The following MGA variants were observed in gnomAD, a reference collection of about 807,000 sequenced individuals.
The protein encoded by MGA is MAX dimerization protein MGA.
Under a neutral mutation model 261.1 loss-of-function variants are expected in MGA, and 40 were observed. The ratio of observed to expected loss-of-function variants is 0.15; its 90% CI spans 0.12 to 0.20. MGA has a LOEUF of 0.20. MGA is among the 10% of genes least tolerant of loss of function. The pLI is 1.00. For synonymous variants in MGA, 1,302 were observed against 1,290.6 expected (o/e 1.01, Z -0.19); for missense variants, 3,397 against 3,630.5 (o/e 0.94, Z 1.65).
intron 17 of MGA, among the ~76,000 whole-genome samples, chr15:41,752,877 C>G (rs1053795357): frequency 6.6e-6 from 1 of 152,100 alleles, no homozygotes; most frequent in East Asian, 1.9e-4. Flanking sequence ...CTTAATCATA[C>G]AAGGAGGCAT....
intron 2 of MGA, among the ~76,000 whole-genome samples, chr15:41,679,179 G>A (rs931828638): frequency 2.6e-5 from 4 of 151,950 alleles, no homozygotes; most frequent in African/African-American, 9.7e-5. Context: ...GGGACTACAG[G>A]TGCGCACCAC....
At chr15:41,623,493 C>A (rs2056359899) in intron 1 of MGA, among the ~76,000 whole-genome samples, 1 of 151,846 alleles carries the variant, frequency 6.6e-6, no homozygotes, top group Non-Finnish European at 1.5e-5. Context: ...GCCTGTAATC[C>A]CAGCACTTTG....
chr15:41,749,279 C>G lies in MGA; in HGVS notation c.5672C>G (p.Ala1891Gly). The G allele has an allele frequency of 1.2e-6, 2 of 1,614,012 alleles. No homozygotes were observed. Among genetic ancestry groups the G allele is most frequent in the East Asian group, 2.2e-5 (1 of 44,872 alleles). Residue 1891 changes from alanine (A) to glycine (G), a missense_variant, in exon 17 of 24, where the codon GCT becomes GGT. Physicochemically the swap from Ala to Gly is moderately conservative, Grantham distance 60. Around this residue, in one of 9 missense-constraint regions of MGA, gnomAD observed 1,410 missense variants for 1,386.4 expected, o/e 1.02. Transcript: ENST00000219905. ...GCACCATCATTGCTTTCCTCTGGAGCTAGTTTTGTGTCTCAGGCTGGTACA... is the reference window on the plus strand; with the variant it reads ...GCACCATCATTGCTTTCCTCTGGAGGTAGTTTTGTGTCTCAGGCTGGTACA...
chr15:41,699,491 T>TTA (rs1234598716), intron 5 of MGA, among the ~76,000 whole-genome samples: 4 of 108,188 alleles, frequency 3.7e-5, no homozygotes, highest in Non-Finnish European at 9.6e-5. Context: ...TTGCTTTTGT[T>TTA]TATGTGTGTG....
chr15:41,767,189 A>G lies in MGA; in HGVS notation c.9107A>G (p.Glu3036Gly), dbSNP rs2063840689. 2 of 1,613,910 alleles carry G rather than the reference A, an allele frequency of 1.2e-6. No homozygotes were observed. Among genetic ancestry groups the G allele is most frequent in the Non-Finnish European group, 1.7e-6 (2 of 1,179,886 alleles). The stretch of plus-strand genomic sequence containing the variant: ...ATGAACTTAACAGGGAATGACCAGG[A>G]AGGCCGGGAAAGCAAGGTGATGCCT... Residue 3036 changes from glutamate (E) to glycine (G), a missense_variant, in exon 24 of 24, where the codon GAA becomes GGA. Glu to Gly is a moderately conservative substitution (Grantham distance 98). Transcript: ENST00000219905.
chr15:41,625,797 C>A (rs1265435867), intron 1 of MGA, among the ~76,000 whole-genome samples: 4 of 152,096 alleles, frequency 2.6e-5, no homozygotes, highest in Non-Finnish European at 4.4e-5. Flanking sequence ...TGATATAGAT[C>A]TCTATTAATG....
intron 13 of MGA, chr15:41,739,929 G>C: frequency 6.2e-7 from 1 of 1,612,360 alleles, no homozygotes; most frequent in Non-Finnish European, 8.5e-7. Flanking sequence ...GTTACCCGCA[G>C]GCTAAGTTGC....
chr15:41,674,532 T>C (rs950158435), intron 2 of MGA, among the ~76,000 whole-genome samples: 3 of 151,654 alleles, frequency 2.0e-5, no homozygotes, highest in Admixed American at 6.6e-5. Flanking sequence ...TTTTTATTTT[T>C]TTTTTTAGAC....
At chr15:41,706,181 G>A (rs946334725) in intron 5 of MGA, among the ~76,000 whole-genome samples, 20 of 149,720 alleles carry the variant, frequency 1.3e-4, no homozygotes, top group East Asian at 2.0e-4. Context: ...AGGTTGCAGT[G>A]AGCCGAGATT....
At chr15:41,678,548 G>A (rs917916475) in intron 2 of MGA, among the ~76,000 whole-genome samples, 3 of 150,396 alleles carry the variant, frequency 2.0e-5, no homozygotes, top group South Asian at 2.1e-4. Context: ...GGCGGATCAC[G>A]AGGTCAGAAG....
chr15:41,644,894 A>G (rs2056905268), intron 1 of MGA, among the ~76,000 whole-genome samples: 1 of 152,226 alleles, frequency 6.6e-6, no homozygotes, highest in Non-Finnish European at 1.5e-5. Context: ...AGGGCCACAT[A>G]GTAAGTATTT....
rs3803347 is a variant in MGA, at chr15:41,749,828, G to C, written c.6221G>C (p.Arg2074Pro). The C allele has an allele frequency of 5.0e-6, 8 of 1,613,926 alleles. No homozygotes were observed. The South Asian group carries it at 5.5e-5, about 11-fold the overall frequency. Residue 2074 changes from arginine to proline, a missense_variant, in exon 17 of 24, where the codon CGT becomes CCT. By Grantham distance (103) the Arg-to-Pro change is moderately radical. Coordinates refer to ENST00000219905, the MANE Select transcript of MGA (RefSeq NM_001164273.2). ...AATGAAGAATATGGGGCTAGGAATC[G>C]TAAGAGTTCCAAAGAAAAAGTGGCT...
At chr15:41,745,481 T>C (rs1319357927) in intron 15 of MGA, among the ~76,000 whole-genome samples, 1 of 151,522 alleles carries the variant, frequency 6.6e-6, no homozygotes, top group Non-Finnish European at 1.5e-5. Flanking sequence ...TAGAAAATAC[T>C]AGAGTAACAT....
chr15:41,669,991 A>G (rs1268027445), intron 2 of MGA, 33 bp downstream of exon 2: 1 of 1,545,976 alleles, frequency 6.5e-7, no homozygotes, highest in African/African-American at 1.4e-5. Context: ...TTAGAAATAA[A>G]AGGAAGATTG....
At chr15:41,761,009 G>T (rs1041546280) in intron 20 of MGA, among the ~76,000 whole-genome samples, 1 of 152,218 alleles carries the variant, frequency 6.6e-6, no homozygotes, top group Non-Finnish European at 1.5e-5. Flanking sequence ...GACCTCCAGT[G>T]ATCCGCCCAC....
chr15:41,736,340 T>C lies in MGA; in HGVS notation c.4076T>C (p.Ile1359Thr). ...ATTTTGAGCATCTTATCCCAGCACA[T>C]CAATAGCAACATGCCACAATCACTT... Residue 1359 changes from isoleucine (I) to threonine (T), a missense_variant, in exon 13 of 24, where the codon ATC becomes ACC. Physicochemically the swap from Ile to Thr is moderately conservative, Grantham distance 89 (BLOSUM62 -1). Around this residue, in one of 9 missense-constraint regions of MGA, gnomAD observed 1,410 missense variants for 1,386.4 expected, o/e 1.02. Coordinates refer to ENST00000219905, the MANE Select transcript of MGA (RefSeq NM_001164273.2). The C allele has an allele frequency of 1.2e-6, 2 of 1,613,964 alleles. No homozygotes were observed. The highest frequency in any genetic ancestry group is 1.7e-6 in the Non-Finnish European group (2 of 1,179,892).
In MGA at chr15:41,768,278, T is replaced by C. The variant is rs1466789221; in HGVS notation, c.*998T>C. On this transcript the variant is annotated 3_prime_UTR_variant, in exon 24 of 24. Transcript: ENST00000219905. ...TCTTTACCAGGGAAATAAGGCAGTATTTGAATCACAAGATATATTTTTTAT... is the reference window on the plus strand; with the variant it reads ...TCTTTACCAGGGAAATAAGGCAGTACTTGAATCACAAGATATATTTTTTAT... 1.3e-5 allele frequency: 2 copies of C among 152,656 alleles called. No homozygotes were observed. Among genetic ancestry groups the C allele is most frequent in the Admixed American group, 1.3e-4 (2 of 15,292 alleles). The allele number at this position is 152,656 out of a possible 1,614,324, so 9.5% of individuals were successfully genotyped here. A position where few individuals can be genotyped will look rare whatever the true frequency, so the allele number is the denominator to read the frequency against.
At chr15:41,642,069 G>A (rs976511455) in intron 1 of MGA, among the ~76,000 whole-genome samples, 1 of 152,140 alleles carries the variant, frequency 6.6e-6, no homozygotes, top group Non-Finnish European at 1.5e-5. Flanking sequence ...TGAAAGTGCT[G>A]GGATTACAGG....
rs747651487 is a variant in MGA, at chr15:41,765,984, T to C, written c.7922-20T>C. 1 of 1,594,380 alleles carries C rather than the reference T, an allele frequency of 6.3e-7. No individual in the cohort carries two copies. Among genetic ancestry groups the C allele is most frequent in the Non-Finnish European group, 8.5e-7 (1 of 1,170,182 alleles). ...ACTAGATCTAAATGAATTTTTCTTT[T>C]TTTAATTTTTGTTTTTCAGAAAATG... On this transcript the variant is annotated intron_variant, in intron 23 of 23. Coordinates refer to ENST00000219905, the MANE Select transcript of MGA (RefSeq NM_001164273.2).
Sources: allele counts gnomAD v4.1 joint callset (sites outside exome capture counted in the v4.1 genomes callset), GRCh38; gene constraint gnomAD v4.1.1; regional missense constraint gnomAD v4.1.1; transcripts MANE v1.5; gene names NCBI Gene and HGNC (gene_info 2026-07-23, HGNC 2026-07-21).